The following ARID4B variants were observed in gnomAD, a reference collection of about 807,000 sequenced individuals.
The protein encoded by ARID4B is AT-rich interaction domain 4B.
Under a neutral mutation model 147.5 loss-of-function variants are expected in ARID4B, and 26 were observed. That is an observed-to-expected ratio of 0.18 (90% CI 0.13 to 0.24). ARID4B has a LOEUF of 0.24. Ranked by LOEUF, ARID4B falls within the 10% of genes least tolerant of loss-of-function variation. The probability of loss-of-function intolerance (pLI) is 1.00; values close to 1 mark genes in which losing one functional copy is unlikely to be tolerated. For synonymous variants in ARID4B, 512 were observed against 507.9 expected, an observed-to-expected ratio of 1.01 and a Z score of -0.11; for missense variants, 1,179 against 1,511.5, an observed-to-expected ratio of 0.78 and a Z score of 3.65.
intron 15 of ARID4B, 146 bp downstream of exon 15, chr1:235,220,156 A>T (rs1236381518): frequency 1.5e-5 from 13 of 876,638 alleles, no homozygotes; most frequent in Non-Finnish European, 3.2e-6. Context: ...AAGTTATGAT[A>T]AAAATTATAC....
chr1:235,215,081 G>T (rs1001277456), intron 16 of ARID4B, among the ~76,000 whole-genome samples: 1 of 151,928 alleles, frequency 6.6e-6, no homozygotes, highest in Non-Finnish European at 1.5e-5. Flanking sequence ...CTGACCTCAG[G>T]TGATCCACCC....
chr1:235,231,673 AGACAGGGTTTCACCAT>A (rs1328173729), intron 9 of ARID4B, among the ~76,000 whole-genome samples: 1 of 152,162 alleles, frequency 6.6e-6, no homozygotes, highest in African/African-American at 2.4e-5. Flanking sequence ...TTTTTAGTAG[AGACAGGGTTTCACCAT>A]GTTGGACAGG....
At chr1:235,207,243 A>G (rs1666364837) in intron 17 of ARID4B, among the ~76,000 whole-genome samples, 1 of 152,232 alleles carries the variant, frequency 6.6e-6, no homozygotes, top group African/African-American at 2.4e-5. Context: ...CATAAGCAGC[A>G]GTATGAAATA....
intron 3 of ARID4B, among the ~76,000 whole-genome samples, chr1:235,259,696 A>C (rs1670183350): frequency 6.6e-6 from 1 of 152,250 alleles, no homozygotes; most frequent in African/African-American, 2.4e-5. Context: ...TAAAGGACTT[A>C]TCACAATGGT....
rs1663070108 is a variant in ARID4B, at chr1:235,168,014, G to A, written c.*511C>T. The A allele has an allele frequency of 5.1e-6, 1 of 195,528 alleles. No homozygotes were observed. Among genetic ancestry groups the A allele is most frequent in the Admixed American group, 6.1e-5 (1 of 16,412 alleles). The allele number at this position is 195,528 out of a possible 1,614,324, so 12.1% of individuals were successfully genotyped here. A position where few individuals can be genotyped will look rare whatever the true frequency, so the allele number is the denominator to read the frequency against. ...ATGTCTAATATCCTGTTAACTGCAG[G>A]TTTTGAATTTATTACATGTGCTTGA... is the stretch of plus-strand genomic sequence containing the variant. On this transcript the variant is annotated 3_prime_UTR_variant, in exon 24 of 24. Transcript: ENST00000264183.
In ARID4B at chr1:235,187,374, G is replaced by A. The variant is rs371604430; in HGVS notation, c.2126-4581C>T. ...GCTGGAATTACAGGTGTGAGCCACCGTGCCCAGCTTATTCTTGTTTTATAG... is the reference window on the plus strand; with the variant it reads ...GCTGGAATTACAGGTGTGAGCCACCATGCCCAGCTTATTCTTGTTTTATAG... On this transcript the variant is annotated intron_variant, in intron 19 of 23. Coordinates refer to ENST00000264183, the MANE Select transcript of ARID4B (RefSeq NM_016374.6). 2.2e-4 allele frequency among the ~76,000 whole-genome samples: 33 copies of A among 152,308 alleles called. No homozygotes were observed. In the East Asian group the frequency reaches 4.2e-3, roughly 20 times the overall value.
At chr1:235,298,442 T>C (rs773502742) in intron 2 of ARID4B, among the ~76,000 whole-genome samples, 3 of 150,390 alleles carry the variant, frequency 2.0e-5, no homozygotes, top group Non-Finnish European at 4.4e-5. Context: ...TAAAAATCAA[T>C]TACCGTATTA....
intron 17 of ARID4B, among the ~76,000 whole-genome samples, chr1:235,207,960 C>T (rs954173812): frequency 6.6e-6 from 1 of 152,084 alleles, no homozygotes. Context: ...ACTGTTGTGG[C>T]TTATTTAAGA....
intron 14 of ARID4B, 54 bp downstream of exon 14, chr1:235,221,511 C>A: frequency 9.7e-7 from 1 of 1,028,206 alleles, no homozygotes; most frequent in Non-Finnish European, 1.5e-6. Context: ...TAAATTTCAT[C>A]CTGCTTTCTA....
chr1:235,173,739 A>AT (rs1490145809), intron 22 of ARID4B, among the ~76,000 whole-genome samples: 1 of 57,132 alleles, frequency 1.8e-5, no homozygotes, highest in African/African-American at 9.2e-5. Context: ...CCTCGTCTCT[A>AT]TTTAAAAAAA....
At chr1:235,316,129 G>A (rs10925422) in intron 2 of ARID4B, among the ~76,000 whole-genome samples, 5,989 of 152,172 alleles carry the variant, frequency 0.039, 448 homozygotes, top group African/African-American at 0.14. Context: ...ATGGATCAAA[G>A]GCTAGTTATA....
At chr1:235,227,728 T>C (rs1469670891) in intron 11 of ARID4B, among the ~76,000 whole-genome samples, 1 of 152,160 alleles carries the variant, frequency 6.6e-6, no homozygotes, top group East Asian at 1.9e-4. Context: ...CCATATTTTA[T>C]GGCTTATTTA....
chr1:235,252,165 T>C (rs888259562), intron 6 of ARID4B, among the ~76,000 whole-genome samples: 2 of 152,200 alleles, frequency 1.3e-5, no homozygotes, highest in African/African-American at 2.4e-5. Flanking sequence ...GAAGAAGATA[T>C]ACAAAGTCTC....
chr1:235,272,627 T>C (rs1671062669), intron 2 of ARID4B, among the ~76,000 whole-genome samples: 1 of 152,090 alleles, frequency 6.6e-6, no homozygotes, highest in African/African-American at 2.4e-5. Context: ...ATTTAACTTA[T>C]CTGAGCATAG....
chr1:235,226,400 G>T (rs758540416), intron 11 of ARID4B, among the ~76,000 whole-genome samples: 1 of 151,834 alleles, frequency 6.6e-6, no homozygotes, highest in Non-Finnish European at 1.5e-5. Context: ...TTGCTCTGTC[G>T]CCCAGGCTGG....
At chr1:235,291,615 C>T (rs1205658174) in intron 2 of ARID4B, among the ~76,000 whole-genome samples, 2 of 151,952 alleles carry the variant, frequency 1.3e-5, no homozygotes, top group Admixed American at 1.3e-4. Context: ...GTGGGCAGAT[C>T]ACTTGAGGCC....
At chr1:235,261,574 A>T (rs1183669547) in intron 2 of ARID4B, among the ~76,000 whole-genome samples, 1 of 152,168 alleles carries the variant, frequency 6.6e-6, no homozygotes, top group Non-Finnish European at 1.5e-5. Flanking sequence ...GAGAAAAGTT[A>T]GTATATTTAA....
chr1:235,175,857 A>G (rs1205899474), intron 21 of ARID4B, among the ~76,000 whole-genome samples: 7 of 152,226 alleles, frequency 4.6e-5, no homozygotes, highest in African/African-American at 1.7e-4. Context: ...CCTCGGGAAT[A>G]AACTCTGAAG....
chr1:235,202,840 A>G (rs112710010), intron 17 of ARID4B, among the ~76,000 whole-genome samples: 20,248 of 151,998 alleles, frequency 0.13, 1,573 homozygotes, highest in African/African-American at 0.2. Flanking sequence ...GTGAGCCACC[A>G]CACCTGGCCG....
Sources: allele counts gnomAD v4.1 joint callset (sites outside exome capture counted in the v4.1 genomes callset), GRCh38; gene constraint gnomAD v4.1.1; transcripts MANE v1.5; gene names NCBI Gene and HGNC (gene_info 2026-07-23, HGNC 2026-07-21).